The following PIBF1 variants were observed in gnomAD, a reference collection of about 807,000 sequenced individuals.
The protein encoded by PIBF1 is progesterone-induced-blocking factor 1.
In PIBF1, 90 loss-of-function variants were observed where a neutral mutation model predicts 112.5. The ratio of observed to expected loss-of-function variants is 0.80; its 90% CI spans 0.67 to 0.95. The LOEUF is 0.95. PIBF1 is among the 40% of genes least tolerant of loss of function. The probability of loss-of-function intolerance (pLI) is 0.00; values close to 1 mark genes in which losing one functional copy is unlikely to be tolerated. For synonymous variants in PIBF1, 301 were observed against 288.6 expected, an observed-to-expected ratio of 1.04 and a Z score of -0.44; for missense variants, 915 against 852.3, an observed-to-expected ratio of 1.07 and a Z score of -0.92.
chr13:72,999,061 A>C, intron 17 of PIBF1, 66 bp downstream of exon 17: 2 of 1,094,356 alleles, frequency 1.8e-6, no homozygotes, highest in East Asian at 2.5e-5. Flanking sequence ...ATTTTAGTTA[A>C]TTTTTTCCTT....
intron 4 of PIBF1, among the ~76,000 whole-genome samples, chr13:72,796,413 T>A (rs1164911705): frequency 1.3e-5 from 2 of 152,186 alleles, no homozygotes; most frequent in Non-Finnish European, 2.9e-5. Context: ...GAGGCTTGAA[T>A]TTTTTAATCC....
At chr13:72,982,633 A>G (rs534575943) in intron 16 of PIBF1, among the ~76,000 whole-genome samples, 1 of 152,130 alleles carries the variant, frequency 6.6e-6, no homozygotes, top group South Asian at 2.1e-4. Flanking sequence ...TTTAGCCTTT[A>G]GCACAATATT....
chr13:72,892,784 T>TCACACACACA (rs2040105184), intron 10 of PIBF1, among the ~76,000 whole-genome samples: 2 of 44,836 alleles, frequency 4.5e-5, no homozygotes, highest in Non-Finnish European at 9.5e-5. Flanking sequence ...TCCTCCTGCC[T>TCACACACACA]TACACACACA....
intron 11 of PIBF1, chr13:72,901,157 A>C (rs903751534): frequency 5.6e-6 from 2 of 360,320 alleles, no homozygotes; most frequent in Non-Finnish European, 1.1e-5. Flanking sequence ...AATCTTCACA[A>C]TCTATATATC....
intron 9 of PIBF1, among the ~76,000 whole-genome samples, chr13:72,847,966 A>G (rs1324204680): frequency 6.6e-6 from 1 of 152,246 alleles, no homozygotes; most frequent in African/African-American, 2.4e-5. Context: ...CTGTCATATA[A>G]AACAGCCTAT....
intron 9 of PIBF1, among the ~76,000 whole-genome samples, chr13:72,851,548 A>C (rs1474078227): frequency 2.6e-5 from 4 of 152,100 alleles, no homozygotes. Context: ...GCCCTTTGGC[A>C]CTCCAGGCTG....
chr13:72,881,626 G>A (rs1469088040), intron 10 of PIBF1, among the ~76,000 whole-genome samples: 1 of 151,284 alleles, frequency 6.6e-6, no homozygotes, highest in African/African-American at 2.4e-5. Flanking sequence ...TGAGGCAGGA[G>A]AGTCACTTGA....
chr13:72,916,116 C>T (rs1244772939), intron 12 of PIBF1, among the ~76,000 whole-genome samples: 2 of 151,490 alleles, frequency 1.3e-5, no homozygotes, highest in South Asian at 2.1e-4. Flanking sequence ...TGGCCAGGTG[C>T]GGTGGCTCAC....
At chr13:72,896,143 C>T (rs1372588756) in intron 11 of PIBF1, among the ~76,000 whole-genome samples, 1 of 152,054 alleles carries the variant, frequency 6.6e-6, no homozygotes, top group Admixed American at 6.6e-5. Context: ...TGCAGAAAAC[C>T]CCAGTACCAG....
At chr13:72,965,038 G>A (rs2042703440) in intron 14 of PIBF1, among the ~76,000 whole-genome samples, 1 of 152,062 alleles carries the variant, frequency 6.6e-6, no homozygotes, top group Admixed American at 6.6e-5. Context: ...CTCTAGCCTG[G>A]GCGACAGAGC....
At chr13:72,883,751 C>A (rs1211156543) in intron 10 of PIBF1, among the ~76,000 whole-genome samples, 1 of 152,156 alleles carries the variant, frequency 6.6e-6, no homozygotes, top group Non-Finnish European at 1.5e-5. Context: ...GCCTCCCAAA[C>A]TTCTGGAATT....
intron 9 of PIBF1, among the ~76,000 whole-genome samples, chr13:72,849,802 T>G (rs1272897039): frequency 6.6e-6 from 1 of 152,176 alleles, no homozygotes; most frequent in African/African-American, 2.4e-5. Flanking sequence ...ACATTTGGAC[T>G]CTGTAGCATA....
At chr13:72,892,680 G>A (rs2040101243) in intron 10 of PIBF1, among the ~76,000 whole-genome samples, 1 of 151,846 alleles carries the variant, frequency 6.6e-6, no homozygotes, top group Non-Finnish European at 1.5e-5. Flanking sequence ...AGAATTAAAT[G>A]AGATACCATA....
At chr13:72,986,421 A>T (rs2043288988) in intron 16 of PIBF1, among the ~76,000 whole-genome samples, 1 of 152,162 alleles carries the variant, frequency 6.6e-6, no homozygotes, top group Admixed American at 6.5e-5. Context: ...TCCTGTTTTA[A>T]GTCAACAATA....
chr13:72,810,957 C>A (rs977875832), intron 5 of PIBF1, among the ~76,000 whole-genome samples: 11 of 151,718 alleles, frequency 7.3e-5, no homozygotes, highest in Non-Finnish European at 1.6e-4. Flanking sequence ...CCCAGGTTCA[C>A]ACCATTCTCC....
chr13:72,936,571 C>T (rs1010240912), intron 14 of PIBF1, among the ~76,000 whole-genome samples: 1 of 152,122 alleles, frequency 6.6e-6, no homozygotes, highest in African/African-American at 2.4e-5. Context: ...ATAATTGAAA[C>T]ACAACTGTTG....
chr13:72,827,859 C>G lies in PIBF1; in HGVS notation c.1042C>G (p.Leu348Val). 1.3e-6 allele frequency: 2 copies of G among 1,591,834 alleles called. No individual in the cohort carries two copies. The highest frequency in any genetic ancestry group is 1.7e-6 in the Non-Finnish European group (2 of 1,169,000). ...EDRLERLQAQLEESKKAREEM... is the reference protein window; with the variant it reads ...EDRLERLQAQVEESKKAREEM... ...TCGCCTTGAAAGACTTCAAGCTCAACTGGAAGAAAGCAAAAAGGCTAGAGA... is the reference window on the plus strand; with the variant it reads ...TCGCCTTGAAAGACTTCAAGCTCAAGTGGAAGAAAGCAAAAAGGCTAGAGA... Residue 348 changes from leucine to valine, a missense_variant, in exon 8 of 18, where the codon CTG becomes GTG. Transcript: ENST00000326291.
chr13:72,976,246 C>T lies in PIBF1; in HGVS notation c.2049+2571C>T, dbSNP rs1241671086. 4.0e-5 allele frequency among the ~76,000 whole-genome samples: 6 copies of T among 151,720 alleles called. No individual in the cohort carries two copies. In the East Asian group the frequency reaches 9.7e-4, roughly 25 times the overall value. ...CCTGTGAATAGCCACTGCACTCCAGCCTGAGCAATGTAGTGCAACCCTATC... is the reference window on the plus strand; with the variant it reads ...CCTGTGAATAGCCACTGCACTCCAGTCTGAGCAATGTAGTGCAACCCTATC... On this transcript the variant is annotated intron_variant, in intron 16 of 17. Transcript: ENST00000326291.
chr13:72,917,038 TAA>T (rs752667197), intron 12 of PIBF1, 36 bp from the exon 13 acceptor site: 2 of 1,307,492 alleles, frequency 1.5e-6, no homozygotes, highest in South Asian at 1.4e-5. Flanking sequence ...AAAGGAAAAA[TAA>T]AGTTATTTCA....
Sources: gnomAD v4.1 joint callset for allele counts (sites outside exome capture counted in the v4.1 genomes callset) on GRCh38, gnomAD v4.1.1 for gene constraint, MANE v1.5 for transcripts, NCBI Gene and HGNC (gene_info 2026-07-23, HGNC 2026-07-21) for gene names.